ZMIZ1: variants seen among roughly 807,000 people sequenced by gnomAD.
ZMIZ1 encodes zinc finger MIZ-type containing 1, also known as zinc finger MIZ domain-containing protein 1.
In ZMIZ1, 17 loss-of-function variants were observed where a neutral mutation model predicts 113.9. That is an observed-to-expected ratio of 0.15 (90% CI 0.10 to 0.22). The LOEUF is 0.22. Among genes scored for constraint, ZMIZ1 ranks in the 10% least tolerant of loss-of-function variants. The probability of loss-of-function intolerance (pLI) is 1.00; values close to 1 mark genes in which losing one functional copy is unlikely to be tolerated. For synonymous variants in ZMIZ1, 607 were observed against 603.1 expected (o/e 1.01, Z -0.09); for missense variants, 1,059 against 1,477.8 (o/e 0.72, Z 4.65).
At chr10:79,265,682 G>C (rs1216087544) in intron 7 of ZMIZ1, among the ~76,000 whole-genome samples, 3 of 151,916 alleles carry the variant, frequency 2.0e-5, no homozygotes, top group Non-Finnish European at 4.4e-5. Context: ...GGGGTCAGCT[G>C]TCAGGGTCAC....
chr10:79,211,790 T>C (rs1848536225), intron 6 of ZMIZ1, among the ~76,000 whole-genome samples: 1 of 152,172 alleles, frequency 6.6e-6, no homozygotes, highest in Admixed American at 6.5e-5. Flanking sequence ...CCTCCTCCAG[T>C]AGTCGGGCAG....
rs541837147 is a variant in ZMIZ1, at chr10:79,156,059, G to A, written c.-130-5994G>A. 5.3e-5 allele frequency among the ~76,000 whole-genome samples: 8 copies of A among 152,170 alleles called. No homozygotes were observed. In the South Asian group the frequency reaches 8.3e-4, roughly 16 times the overall value. ...TGGGCAAGTGCTGACCTTTGGCCCCGTCCCCACCCCTCCCACCCCTACTCT... is the reference window on the plus strand; with the variant it reads ...TGGGCAAGTGCTGACCTTTGGCCCCATCCCCACCCCTCCCACCCCTACTCT... On this transcript the variant is annotated intron_variant, in intron 3 of 24. Transcript: ENST00000334512.
chr10:79,106,206 G>A (rs534558230), intron 1 of ZMIZ1, among the ~76,000 whole-genome samples: 1 of 152,318 alleles, frequency 6.6e-6, no homozygotes, highest in Admixed American at 6.5e-5. Context: ...GACACCATCT[G>A]GCTGCTCTCT....
intron 4 of ZMIZ1, among the ~76,000 whole-genome samples, chr10:79,188,146 T>C (rs1847426902): frequency 6.6e-6 from 1 of 152,226 alleles, no homozygotes. Context: ...CTTGTTACTA[T>C]TCAGAATTAT....
At chr10:79,203,247 C>T (rs1848174773) in intron 5 of ZMIZ1, among the ~76,000 whole-genome samples, 1 of 152,146 alleles carries the variant, frequency 6.6e-6, no homozygotes, top group African/African-American at 2.4e-5. Context: ...TCCTCGAGAA[C>T]GAGGGTTGTG....
chr10:79,072,571 A>G (rs1235803973), intron 1 of ZMIZ1, among the ~76,000 whole-genome samples: 2 of 152,244 alleles, frequency 1.3e-5, no homozygotes, highest in African/African-American at 4.8e-5. Flanking sequence ...ACGAGTGGCC[A>G]TGACCCTGGC....
At chr10:79,110,539 C>T (rs1359725875) in intron 1 of ZMIZ1, among the ~76,000 whole-genome samples, 1 of 152,134 alleles carries the variant, frequency 6.6e-6, no homozygotes, top group Non-Finnish European at 1.5e-5. Flanking sequence ...CAAGAGGTGC[C>T]CTGGGGAAGG....
intron 17 of ZMIZ1, among the ~76,000 whole-genome samples, chr10:79,301,808 A>T (rs557945443): frequency 1.6e-4 from 24 of 152,262 alleles, no homozygotes; most frequent in African/African-American, 5.8e-4. Context: ...GGCTAAGGAC[A>T]CATGATGGGG....
Position 79,210,353 on chromosome 10 carries a change from G to C in ZMIZ1, c.174+1904G>C, listed in dbSNP as rs150377864. Among the ~76,000 whole-genome samples, 589 of 152,370 alleles carry C rather than the reference G, an allele frequency of 3.9e-3. 4 individuals are homozygous for C. Among genetic ancestry groups the C allele is most frequent in the African/African-American group, 0.014 (565 of 41,586 alleles). On this transcript the variant is annotated intron_variant, in intron 6 of 24. Coordinates refer to ENST00000334512, the MANE Select transcript of ZMIZ1 (RefSeq NM_020338.4). ...TCCTCTTGTCCATGCGTTCATTCAT[G>C]AACATTCACTGGGCTCTTGTTGGGG...
intron 7 of ZMIZ1, among the ~76,000 whole-genome samples, chr10:79,260,641 A>G (rs537240796): frequency 1.3e-5 from 2 of 152,214 alleles, no homozygotes; most frequent in Non-Finnish European, 1.5e-5. Context: ...CGGCTTCTGT[A>G]TATTTCTAAT....
At position 79,263,327 on chromosome 10, in the gene ZMIZ1, G is replaced by T. The variant is rs1368393270; in HGVS notation, c.281-13854G>T. Among the ~76,000 whole-genome samples the T allele has an allele frequency of 3.9e-5, 6 of 152,204 alleles. No individual in the cohort carries two copies. The East Asian group carries it at 1.2e-3, about 29-fold the overall frequency. On this transcript the variant is annotated intron_variant, in intron 7 of 24. Coordinates refer to ENST00000334512, the MANE Select transcript of ZMIZ1 (RefSeq NM_020338.4). The stretch of plus-strand genomic sequence containing the variant: ...CTTGCATCAGGAACCTGAGAGTCTT[G>T]GCAATTAACCAAGTCAGTCAGGCAC...
intron 7 of ZMIZ1, among the ~76,000 whole-genome samples, chr10:79,226,887 C>G (rs748264436): frequency 1.3e-5 from 2 of 152,188 alleles, no homozygotes; most frequent in Non-Finnish European, 2.9e-5. Context: ...AGGAAAAGAT[C>G]TGATTCCTAG....
In ZMIZ1 at chr10:79,139,666, T is replaced by A. The variant is rs1373612215; in HGVS notation, c.-226-16T>A. 5 of 398,522 alleles carry A rather than the reference T, an allele frequency of 1.3e-5. No individual in the cohort carries two copies. Among genetic ancestry groups the A allele is most frequent in the Non-Finnish European group, 1.8e-5 (4 of 226,042 alleles). 24.7% of individuals were successfully genotyped at this position (398,522 alleles called of 1,614,324 possible). ...CCTGCTCTCACACACGTCTCATCTC[T>A]CCCCTGTGTACCCAGGAGGAAGAGG... is the stretch of plus-strand genomic sequence containing the variant. On this transcript the variant is annotated splice_polypyrimidine_tract_variant and intron_variant, in intron 2 of 24. Transcript: ENST00000334512.
At chr10:79,100,583 G>A (rs1843330180) in intron 1 of ZMIZ1, among the ~76,000 whole-genome samples, 1 of 152,210 alleles carries the variant, frequency 6.6e-6, no homozygotes, top group South Asian at 2.1e-4. Context: ...GGGTCAACAA[G>A]GAAACATTGT....
At chr10:79,311,277 C>A in intron 24 of ZMIZ1, 93 bp downstream of exon 24, 1 of 776,976 alleles carries the variant, frequency 1.3e-6, no homozygotes, top group Non-Finnish European at 1.7e-6. Flanking sequence ...CTCGAGGCCC[C>A]GAAGGGAGGA....
intron 1 of ZMIZ1, among the ~76,000 whole-genome samples, chr10:79,114,255 G>T (rs1843890657): frequency 6.6e-6 from 1 of 152,006 alleles, no homozygotes; most frequent in Admixed American, 6.5e-5. Context: ...TTTTCCCCCT[G>T]TTTAATGGCT....
At position 79,275,318 on chromosome 10, in the gene ZMIZ1, C is replaced by T. The variant is rs561395622; in HGVS notation, c.281-1863C>T. On this transcript the variant is annotated intron_variant, in intron 7 of 24. Transcript: ENST00000334512. Reference sequence around the variant, plus strand: ...TTTGAGGGTGGTGGCAAGGTGACCCCACGGAGGGGGGCAGGACACATCTTT... The same window carrying T: ...TTTGAGGGTGGTGGCAAGGTGACCCTACGGAGGGGGGCAGGACACATCTTT... 1.5e-4 allele frequency among the ~76,000 whole-genome samples: 23 copies of T among 152,332 alleles called. No homozygotes were observed. The East Asian group carries it at 3.7e-3, about 24-fold the overall frequency.
At chr10:79,222,882 G>A (rs1475016236) in intron 7 of ZMIZ1, among the ~76,000 whole-genome samples, 1 of 152,216 alleles carries the variant, frequency 6.6e-6, no homozygotes, top group Non-Finnish European at 1.5e-5. Context: ...TCAGAGGCCA[G>A]CCAAGTCATT....
intron 23 of ZMIZ1, among the ~76,000 whole-genome samples, chr10:79,310,393 G>C (rs1036641171): frequency 6.6e-6 from 1 of 152,168 alleles, no homozygotes; most frequent in Non-Finnish European, 1.5e-5. Flanking sequence ...AGGCGCCTTC[G>C]TACCCAGCAT....
Sources: gnomAD v4.1 joint callset for allele counts (sites outside exome capture counted in the v4.1 genomes callset) on GRCh38, gnomAD v4.1.1 for gene constraint, MANE v1.5 for transcripts, NCBI Gene and HGNC (gene_info 2026-07-23, HGNC 2026-07-21) for gene names.